The following RGS9 variants were observed in gnomAD, a reference collection of about 807,000 sequenced individuals.
RGS9 encodes the protein regulator of G protein signaling 9.
RGS9 carries 78 observed loss-of-function variants against 102.0 expected under a neutral mutation model. The ratio of observed to expected loss-of-function variants is 0.76; its 90% CI spans 0.64 to 0.92. RGS9 has a LOEUF of 0.92. Among genes scored for constraint, RGS9 ranks in the 40% least tolerant of loss-of-function variants. RGS9 has a pLI of 0.00. For missense variants in RGS9, 833 were observed against 866.1 expected, an observed-to-expected ratio of 0.96 and a Z score of 0.48; for synonymous variants, 353 against 318.6, an observed-to-expected ratio of 1.11 and a Z score of -1.15.
intron 11 of RGS9, among the ~76,000 whole-genome samples, chr17:65,190,520 G>A (rs922643116): frequency 6.6e-6 from 1 of 152,174 alleles, no homozygotes; most frequent in Non-Finnish European, 1.5e-5. Flanking sequence ...GAAAGAGTTG[G>A]AAGTCCGTGG....
intron 1 of RGS9, among the ~76,000 whole-genome samples, chr17:65,140,460 A>G (rs1741905584): frequency 6.6e-6 from 1 of 152,192 alleles, no homozygotes; most frequent in Non-Finnish European, 1.5e-5. Flanking sequence ...CTGGAAAGGA[A>G]AGGCAGAGGT....
chr17:65,201,592 C>T (rs560963014), intron 13 of RGS9, among the ~76,000 whole-genome samples: 1 of 152,330 alleles, frequency 6.6e-6, no homozygotes, highest in South Asian at 2.1e-4. Context: ...GCAATATTTC[C>T]TACAGCCAAA....
At chr17:65,140,928 T>G (rs1598550589) in intron 1 of RGS9, among the ~76,000 whole-genome samples, 4 of 148,876 alleles carry the variant, frequency 2.7e-5, no homozygotes, top group Admixed American at 6.7e-5. Flanking sequence ...GAGGAATGGG[T>G]GGAATGCCTT....
intron 17 of RGS9, among the ~76,000 whole-genome samples, chr17:65,212,959 GATGAATGAATGAAAGA>G (rs1473797533): frequency 6.6e-6 from 1 of 152,184 alleles, no homozygotes; most frequent in African/African-American, 2.4e-5. Context: ...GACATGAGTG[GATGAATGAATGAAAGA>G]ATGAATGAAT....
chr17:65,186,099 C>G (rs1393203221), intron 9 of RGS9, among the ~76,000 whole-genome samples: 3 of 152,140 alleles, frequency 2.0e-5, no homozygotes, highest in Non-Finnish European at 4.4e-5. Flanking sequence ...GTGTTAAGGA[C>G]AGAGTGTTTC....
chr17:65,186,167 TTTA>T (rs1912111040), intron 9 of RGS9, among the ~76,000 whole-genome samples: 2 of 86,106 alleles, frequency 2.3e-5, no homozygotes, highest in Non-Finnish European at 4.5e-5. Flanking sequence ...TTACATTTTA[TTTA>T]TTTATTTATT....
At chr17:65,139,888 G>A (rs1416471211) in intron 1 of RGS9, among the ~76,000 whole-genome samples, 1 of 152,208 alleles carries the variant, frequency 6.6e-6, no homozygotes, top group Non-Finnish European at 1.5e-5. Flanking sequence ...GCCCATGCCA[G>A]GCGATCCTTA....
chr17:65,193,503 T>G, intron 11 of RGS9, 40 bp from the exon 12 acceptor site: 1 of 1,261,060 alleles, frequency 7.9e-7, no homozygotes, highest in South Asian at 1.2e-5. Context: ...ATATCTTGGG[T>G]GTCGAGCTTC....
In RGS9 at chr17:65,195,202, A is replaced by C. The variant is rs1567882656; in HGVS notation, c.860+1546A>C. Among the ~76,000 whole-genome samples the C allele has an allele frequency of 2.0e-5, 3 of 152,294 alleles. No homozygotes were observed. In the South Asian group the frequency reaches 6.2e-4, roughly 32 times the overall value. ...GCTGGCTCTCCCTGGAGGAGAAGGCAGGGAATCTGGCCAGGAAGAGGGTTG... is the reference window on the plus strand; with the variant it reads ...GCTGGCTCTCCCTGGAGGAGAAGGCCGGGAATCTGGCCAGGAAGAGGGTTG... On this transcript the variant is annotated intron_variant, in intron 12 of 18. Coordinates refer to ENST00000262406, the MANE Select transcript of RGS9 (RefSeq NM_003835.4).
chr17:65,153,500 GT>G lies in RGS9; in HGVS notation c.138del (p.Pro47LeufsTer4). On this transcript the variant is annotated frameshift_variant, in exon 2 of 19. Transcript: ENST00000262406. LOFTEE classifies it high-confidence loss of function. ...GAACCAGAGGGTCCTGGTCACCAGC[GT>G]TCCTCATGCCATGACAGGTGATGTA... ...MQNQRVLVTSVPHAMTGSDVL... is the reference protein window; with the variant it reads ...MQNQRVLVTSXPHAMTGSDVL... 1 of 1,613,996 alleles carries G rather than the reference GT, an allele frequency of 6.2e-7. No individual in the cohort carries two copies. Among genetic ancestry groups the G allele is most frequent in the South Asian group, 1.1e-5 (1 of 91,086 alleles).
chr17:65,211,031 C>A (rs1433970695), intron 17 of RGS9, among the ~76,000 whole-genome samples: 1 of 152,098 alleles, frequency 6.6e-6, no homozygotes, highest in Non-Finnish European at 1.5e-5. Context: ...ACAAAGCTCT[C>A]ACTGAGAGAG....
Position 65,168,197 on chromosome 17 carries a change from C to T in RGS9, c.501-3C>T. ...GCCTTACACGTGGCTTTTGGCTTTC[C>T]AGGGCTGGAAAGGAGAGGAACAAAG... On this transcript the variant is annotated splice_polypyrimidine_tract_variant and splice_region_variant and intron_variant, in intron 7 of 18. Transcript: ENST00000262406. 2 of 1,607,124 alleles carry T rather than the reference C, an allele frequency of 1.2e-6. No homozygotes were observed. Among genetic ancestry groups the T allele is most frequent in the African/African-American group, 1.3e-5 (1 of 74,938 alleles).
At chr17:65,177,154 CCA>C (rs1911671171) in intron 8 of RGS9, among the ~76,000 whole-genome samples, 2 of 146,966 alleles carry the variant, frequency 1.4e-5, no homozygotes, top group Non-Finnish European at 3.0e-5. Flanking sequence ...ATCTGTCCGT[CCA>C]TCCATCCATC....
At chr17:65,144,794 A>G (rs1910290574) in intron 1 of RGS9, among the ~76,000 whole-genome samples, 1 of 152,220 alleles carries the variant, frequency 6.6e-6, no homozygotes, top group African/African-American at 2.4e-5. Context: ...CTGATTGAAT[A>G]TAGGACACAG....
intron 15 of RGS9, among the ~76,000 whole-genome samples, chr17:65,206,671 C>A (rs990093432): frequency 6.6e-6 from 1 of 152,092 alleles, no homozygotes; most frequent in South Asian, 2.1e-4. Context: ...AGTGAAACTC[C>A]GTCTCAAAAA....
At chr17:65,168,545 C>CTTTTTT (rs5821624) in intron 8 of RGS9, among the ~76,000 whole-genome samples, 28 of 85,274 alleles carry the variant, frequency 3.3e-4, no homozygotes, top group African/African-American at 6.4e-4. Flanking sequence ...AGGGCTGGGA[C>CTTTTTT]TTTTTTTTTT....
intron 8 of RGS9, among the ~76,000 whole-genome samples, chr17:65,172,014 C>T (rs974626362): frequency 2.0e-5 from 3 of 152,226 alleles, no homozygotes; most frequent in Non-Finnish European, 4.4e-5. Flanking sequence ...GTTTCAACCA[C>T]ATATGCAGAC....
At chr17:65,206,350 C>A (rs1005242929) in intron 15 of RGS9, among the ~76,000 whole-genome samples, 2 of 152,026 alleles carry the variant, frequency 1.3e-5, no homozygotes, top group Non-Finnish European at 2.9e-5. Flanking sequence ...AATAATAATC[C>A]TCTTTAATGT....
At chr17:65,139,246 C>G (rs112066203) in intron 1 of RGS9, among the ~76,000 whole-genome samples, 3 of 149,012 alleles carry the variant, frequency 2.0e-5, no homozygotes, top group East Asian at 2.0e-4. Context: ...CTAACCTCCC[C>G]CTCCTGCATC....
Sources: allele counts gnomAD v4.1 joint callset (sites outside exome capture counted in the v4.1 genomes callset), GRCh38; gene constraint gnomAD v4.1.1; transcripts MANE v1.5; gene names NCBI Gene and HGNC (gene_info 2026-07-23, HGNC 2026-07-21).